IGSF5: variants seen among roughly 807,000 people sequenced by gnomAD.
The protein encoded by IGSF5 is immunoglobulin superfamily 5 like.
In IGSF5, 41 loss-of-function variants were observed where a neutral mutation model predicts 39.4. The observed-to-expected ratio is 1.04, with a 90% CI of 0.81 to 1.35. The LOEUF (loss-of-function observed/expected upper bound fraction) is 1.35. Among genes scored for constraint, IGSF5 ranks in the 40% most tolerant of loss-of-function variants. The pLI is 0.00. For missense variants in IGSF5, 487 were observed against 494.6 expected, an observed-to-expected ratio of 0.98 and a Z score of 0.15; for synonymous variants, 183 against 175.3, an observed-to-expected ratio of 1.04 and a Z score of -0.34.
At chr21:39,760,863 C>A (rs1159629991) in intron 2 of IGSF5, among the ~76,000 whole-genome samples, 1 of 152,188 alleles carries the variant, frequency 6.6e-6, no homozygotes, top group Non-Finnish European at 1.5e-5. Context: ...AGCCACCTTA[C>A]CTGGCTGTCA....
At chr21:39,776,317 C>T (rs976684120) in intron 4 of IGSF5, among the ~76,000 whole-genome samples, 39 of 152,060 alleles carry the variant, frequency 2.6e-4, no homozygotes, top group Admixed American at 2.6e-3. Context: ...TCGTACACTA[C>T]ACTTTGAGCT....
At chr21:39,757,889 C>T (rs1206201865) in intron 2 of IGSF5, among the ~76,000 whole-genome samples, 3 of 152,204 alleles carry the variant, frequency 2.0e-5, no homozygotes, top group East Asian at 3.9e-4. Flanking sequence ...TGCTTTCTAA[C>T]ACTTCCCAGA....
At chr21:39,744,350 G>GAGGGTGT (rs1188729423), upstream of IGSF5, among the ~76,000 whole-genome samples, 1 of 152,240 alleles carries the variant, frequency 6.6e-6, no homozygotes, top group African/African-American at 2.4e-5. Flanking sequence ...TCGTTTCAGA[G>GAGGGTGT]AGGGTGTAGC....
At chr21:39,734,413 A>G in the IGSF5 span, among the ~76,000 whole-genome samples, 1 of 126,212 alleles carries the variant, frequency 7.9e-6, no homozygotes, top group African/African-American at 3.1e-5. Flanking sequence ...ACAGAGCAAG[A>G]CTCTGTCTCA....
the IGSF5 span, among the ~76,000 whole-genome samples, chr21:39,725,157 C>T: frequency 6.6e-6 from 1 of 152,222 alleles, no homozygotes; most frequent in East Asian, 1.9e-4. Context: ...TTCCCTTGCC[C>T]CATGGCTCTG....
chr21:39,758,269 G>A (rs541714998), intron 2 of IGSF5, among the ~76,000 whole-genome samples: 56 of 152,130 alleles, frequency 3.7e-4, no homozygotes, highest in African/African-American at 1.3e-3. Flanking sequence ...CCTTCCCATG[G>A]TGACCTCTTC....
At chr21:39,763,275 A>G (rs1356467066) in intron 2 of IGSF5, among the ~76,000 whole-genome samples, 2 of 152,196 alleles carry the variant, frequency 1.3e-5, no homozygotes, top group African/African-American at 2.4e-5. Context: ...CTGACCTTGC[A>G]GTATAGAAAA....
intron 4 of IGSF5, among the ~76,000 whole-genome samples, chr21:39,773,884 C>T (rs556079521): frequency 6.6e-6 from 1 of 152,336 alleles, no homozygotes; most frequent in Non-Finnish European, 1.5e-5. Flanking sequence ...GAGCTCTGGC[C>T]TGATTGATGG....
chr21:39,796,479 C>T (rs549676929), intron 8 of IGSF5, among the ~76,000 whole-genome samples: 1 of 152,316 alleles, frequency 6.6e-6, no homozygotes, highest in African/African-American at 2.4e-5. Flanking sequence ...TGCAATAAGC[C>T]TTAGTTCCTT....
intron 3 of IGSF5, among the ~76,000 whole-genome samples, chr21:39,769,196 C>T (rs2080101553): frequency 6.6e-6 from 1 of 152,166 alleles, no homozygotes; most frequent in Non-Finnish European, 1.5e-5. Flanking sequence ...GAAACCTCAG[C>T]CGGGAATGGT....
intron 2 of IGSF5, among the ~76,000 whole-genome samples, chr21:39,750,820 G>A (rs1015925148): frequency 3.9e-5 from 6 of 152,246 alleles, no homozygotes; most frequent in Non-Finnish European, 8.8e-5. Context: ...CCAGCCGCTG[G>A]GCCTTTGCTG....
chr21:39,715,776 C>A, the IGSF5 span, among the ~76,000 whole-genome samples: 1 of 152,064 alleles, frequency 6.6e-6, no homozygotes, highest in African/African-American at 2.4e-5. Flanking sequence ...GGAAGATGAT[C>A]ATTCACGGGC....
intron 3 of IGSF5, among the ~76,000 whole-genome samples, chr21:39,767,840 A>T (rs1352337939): frequency 6.6e-6 from 1 of 152,154 alleles, no homozygotes; most frequent in Non-Finnish European, 1.5e-5. Context: ...TTCATGGATG[A>T]TTTCATGGAG....
the IGSF5 span, among the ~76,000 whole-genome samples, chr21:39,723,971 G>A: frequency 0.026 from 3,918 of 152,030 alleles, 72 homozygotes; most frequent in Non-Finnish European, 0.041. Context: ...ACATGGTGAA[G>A]CCACATCTCA....
At chr21:39,791,877 C>T in intron 6 of IGSF5, 131 bp from the exon 7 acceptor site, 1 of 631,836 alleles carries the variant, frequency 1.6e-6, no homozygotes, top group Non-Finnish European at 2.8e-6. Flanking sequence ...TATGGACTTC[C>T]TGTGTTAAGT....
upstream of IGSF5, among the ~76,000 whole-genome samples, chr21:39,741,403 T>C (rs1312402806): frequency 6.6e-6 from 1 of 152,234 alleles, no homozygotes; most frequent in Non-Finnish European, 1.5e-5. Context: ...CGTTCCTCAC[T>C]GAGGGCCCTG....
chr21:39,715,005 C>CTCTT, the IGSF5 span, among the ~76,000 whole-genome samples: 2 of 144,936 alleles, frequency 1.4e-5, no homozygotes, highest in East Asian at 4.4e-4. Flanking sequence ...TGGGCCAGGA[C>CTCTT]TCTTCCTTCC....
intron 2 of IGSF5, among the ~76,000 whole-genome samples, chr21:39,763,639 G>A (rs971251707): frequency 2.6e-5 from 4 of 152,260 alleles, no homozygotes; most frequent in Admixed American, 6.5e-5. Flanking sequence ...TGTGTGGCCC[G>A]GACTTCTCAC....
the IGSF5 span, among the ~76,000 whole-genome samples, chr21:39,717,013 A>T: frequency 6.6e-6 from 1 of 151,992 alleles, no homozygotes; most frequent in Non-Finnish European, 1.5e-5. Flanking sequence ...ATTATCTGTT[A>T]TTTTTTTGAC....
Sources: allele counts gnomAD v4.1 joint callset (sites outside exome capture counted in the v4.1 genomes callset), GRCh38; gene constraint gnomAD v4.1.1; transcripts MANE v1.5; gene names NCBI Gene and HGNC (gene_info 2026-07-23, HGNC 2026-07-21).